Variants in RCBTB1 observed in about 807,000 individuals in gnomAD.
RCBTB1 encodes RCC1 and BTB domain containing protein 1, also known as RCC1 and BTB domain-containing protein 1.
RCBTB1 carries 46 observed loss-of-function variants against 62.4 expected under a neutral mutation model. That is an observed-to-expected ratio of 0.74 (90% CI 0.58 to 0.94). The LOEUF is 0.94. RCBTB1 is among the 40% of genes least tolerant of loss of function. The pLI is 0.00. For missense variants in RCBTB1, 565 were observed against 654.9 expected, an observed-to-expected ratio of 0.86 and a Z score of 1.50; for synonymous variants, 222 against 245.8, an observed-to-expected ratio of 0.90 and a Z score of 0.91.
intron 1 of RCBTB1, among the ~76,000 whole-genome samples, chr13:49,582,166 T>TAGCAG (rs774280816): frequency 8.3e-4 from 126 of 152,254 alleles, no homozygotes; most frequent in Non-Finnish European, 1.3e-3. Context: ...CTTAAGAAAG[T>TAGCAG]AGCAGGGAAT....
chr13:49,564,174 T>A (rs1962707626), intron 4 of RCBTB1, among the ~76,000 whole-genome samples: 1 of 152,192 alleles, frequency 6.6e-6, no homozygotes, highest in Admixed American at 6.5e-5. Context: ...CCTATCAACC[T>A]GCATCCCCGG....
At position 49,555,571 on chromosome 13, in the gene RCBTB1, C is replaced by T. The variant is rs753964381; in HGVS notation, c.547G>A (p.Val183Ile). Reference protein sequence around the residue: ...KVTNCLHIKRVVGIACGQTSS... With the variant: ...KVTNCLHIKRIVGIACGQTSS... ...GTCTGACCACAGGCAATGCCAACTA[C>T]CCTCTTAATATGTAAACAGTTTGTA... The change falls in exon 6 of 13, where the codon GTA (valine) becomes ATA (isoleucine). Residue 183 changes from valine (V) to isoleucine (I), a missense_variant. Coordinates refer to ENST00000378302, the MANE Select transcript of RCBTB1 (RefSeq NM_018191.4). 15 of 1,613,958 alleles carry T rather than the reference C, an allele frequency of 9.3e-6. No individual in the cohort carries two copies. Among genetic ancestry groups the T allele is most frequent in the Non-Finnish European group, 6.8e-6 (8 of 1,179,822 alleles).
intron 1 of RCBTB1, among the ~76,000 whole-genome samples, chr13:49,583,623 T>C (rs1424458279): frequency 1.3e-5 from 2 of 152,018 alleles, no homozygotes; most frequent in Non-Finnish European, 1.5e-5. Context: ...CTCGGCTCAC[T>C]GCAACCTCTG....
intron 12 of RCBTB1, among the ~76,000 whole-genome samples, chr13:49,535,667 G>A (rs1003390111): frequency 1.2e-4 from 19 of 152,092 alleles, no homozygotes; most frequent in African/African-American, 4.6e-4. Flanking sequence ...GGGTCCTCCT[G>A]TCCCTGGCTA....
Position 49,563,398 on chromosome 13 carries a change from T to C in RCBTB1, c.277+3220A>G, listed in dbSNP as rs145333325. On this transcript the variant is annotated intron_variant, in intron 4 of 12. Transcript: ENST00000378302. ...AAAAAAAAGGCCAGGCACAGTGGCTTATGCTTATAATCCCAGCACTTTGGG... is the reference window on the plus strand; with the variant it reads ...AAAAAAAAGGCCAGGCACAGTGGCTCATGCTTATAATCCCAGCACTTTGGG... Among the ~76,000 whole-genome samples, 944 of 145,026 alleles carry C rather than the reference T, an allele frequency of 6.5e-3. 13 individuals are homozygous for C. The highest frequency in any genetic ancestry group is 0.023 in the African/African-American group (887 of 39,210).
chr13:49,562,229 T>C (rs116591037), intron 4 of RCBTB1, among the ~76,000 whole-genome samples: 28 of 152,150 alleles, frequency 1.8e-4, no homozygotes, highest in African/African-American at 6.0e-4. Flanking sequence ...GAAAGAACAC[T>C]TGGAAATAAA....
chr13:49,558,055 A>AT (rs1962091490), intron 5 of RCBTB1, among the ~76,000 whole-genome samples: 1 of 152,240 alleles, frequency 6.6e-6, no homozygotes, highest in South Asian at 2.1e-4. Context: ...TCATTTTGTT[A>AT]TAACACTAAT....
chr13:49,582,270 T>G lies in RCBTB1; in HGVS notation c.-121-1686A>C, dbSNP rs1024632330. Among the ~76,000 whole-genome samples, 11 of 152,138 alleles carry G rather than the reference T, an allele frequency of 7.2e-5. No individual in the cohort carries two copies. The South Asian group carries it at 1.0e-3, about 14-fold the overall frequency. On this transcript the variant is annotated intron_variant, in intron 1 of 12. Coordinates refer to ENST00000378302, the MANE Select transcript of RCBTB1 (RefSeq NM_018191.4). ...GGGAGGCCGAGGCAGGTGGATCATC[T>G]GATGTCAGGAGTTCGAGACCGGCCT...
At chr13:49,556,031 G>GT (rs2139205975) in intron 5 of RCBTB1, among the ~76,000 whole-genome samples, 1 of 152,222 alleles carries the variant, frequency 6.6e-6, no homozygotes, top group South Asian at 2.1e-4. Context: ...TAATTTGTGT[G>GT]TGTGTGTATA....
chr13:49,546,893 T>C, intron 9 of RCBTB1: 1 of 959,890 alleles, frequency 1.0e-6, no homozygotes, highest in African/African-American at 1.8e-5. Flanking sequence ...GCATATGGCC[T>C]GGGGTGTGGG....
intron 5 of RCBTB1, among the ~76,000 whole-genome samples, chr13:49,557,222 A>C (rs551530580): frequency 6.6e-6 from 1 of 152,358 alleles, no homozygotes; most frequent in South Asian, 2.1e-4. Context: ...ACAGCAAAGC[A>C]AGACTGGACA....
intron 5 of RCBTB1, among the ~76,000 whole-genome samples, chr13:49,559,526 G>A (rs1962247864): frequency 6.6e-6 from 1 of 151,942 alleles, no homozygotes; most frequent in Non-Finnish European, 1.5e-5. Context: ...TGTGGTGGTG[G>A]GTGCCTGTAG....
rs75419616 is a variant in RCBTB1, at chr13:49,543,555, T to C, written c.1172+1182A>G. Among the ~76,000 whole-genome samples the C allele has an allele frequency of 2.8e-3, 425 of 152,368 alleles. 1 individual carries two copies. The highest frequency in any genetic ancestry group is 9.9e-3 in the African/African-American group (410 of 41,592). The stretch of plus-strand genomic sequence containing the variant: ...ATGTATTTCTTTGCCAATAGGTTTT[T>C]ACCTAAATTTCCAAAAAGACTTGTA... On this transcript the variant is annotated intron_variant, in intron 10 of 12. Coordinates refer to ENST00000378302, the MANE Select transcript of RCBTB1 (RefSeq NM_018191.4).
intron 2 of RCBTB1, among the ~76,000 whole-genome samples, chr13:49,569,419 C>CA (rs11311610): frequency 3.1e-4 from 46 of 146,744 alleles, no homozygotes; most frequent in Middle Eastern, 3.5e-3. Context: ...ACAAAAAATA[C>CA]AAAAAAAAAA....
chr13:49,562,091 C>CT (rs1962482432), intron 4 of RCBTB1, among the ~76,000 whole-genome samples: 1 of 149,102 alleles, frequency 6.7e-6, no homozygotes. Context: ...AAAAAGGACT[C>CT]TATCTCAAAG....
intron 8 of RCBTB1, 176 bp downstream of exon 8, chr13:49,551,150 G>T: frequency 1.7e-6 from 1 of 575,272 alleles, no homozygotes; most frequent in Non-Finnish European, 2.9e-6. Flanking sequence ...GGGGAAGGGG[G>T]AAGCAGGGAG....
intron 2 of RCBTB1, among the ~76,000 whole-genome samples, chr13:49,575,127 G>T (rs1015033874): frequency 6.6e-6 from 1 of 152,066 alleles, no homozygotes; most frequent in Non-Finnish European, 1.5e-5. Context: ...TGATGAAAAA[G>T]TTCTAGGCAA....
intron 9 of RCBTB1, 126 bp downstream of exon 9, chr13:49,549,332 G>A (rs1275966254): frequency 3.7e-5 from 30 of 817,424 alleles, no homozygotes; most frequent in Admixed American, 1.3e-4. Flanking sequence ...CTATTTTGAC[G>A]GAACGTATGA....
intron 10 of RCBTB1, among the ~76,000 whole-genome samples, chr13:49,542,595 A>G (rs1594256246): frequency 6.6e-6 from 1 of 152,148 alleles, no homozygotes; most frequent in South Asian, 2.1e-4. Context: ...CATAATAAGC[A>G]TATTCTTAAA....
Sources: allele counts gnomAD v4.1 joint callset (sites outside exome capture counted in the v4.1 genomes callset), GRCh38; gene constraint gnomAD v4.1.1; transcripts MANE v1.5; gene names NCBI Gene and HGNC (gene_info 2026-07-23, HGNC 2026-07-21).